MKX: variants seen among roughly 807,000 people sequenced by gnomAD.
MKX encodes the protein homeobox protein Mohawk.
In MKX, 13 loss-of-function variants were observed where a neutral mutation model predicts 36.0. The observed-to-expected ratio is 0.36, with a 90% CI of 0.24 to 0.57. MKX has a LOEUF of 0.57. Ranked by LOEUF, MKX falls within the 20% of genes least tolerant of loss-of-function variation. The pLI is 0.79. For missense variants in MKX, 458 were observed against 456.4 expected, an observed-to-expected ratio of 1.00 and a Z score of -0.03; for synonymous variants, 176 against 178.3, an observed-to-expected ratio of 0.99 and a Z score of 0.10.
intron 5 of MKX, among the ~76,000 whole-genome samples, chr10:27,683,966 A>C (rs1836298861): frequency 6.6e-6 from 1 of 152,208 alleles, no homozygotes; most frequent in Non-Finnish European, 1.5e-5. Context: ...CTGGGCTTCC[A>C]TACCCATCTA....
intron 5 of MKX, among the ~76,000 whole-genome samples, chr10:27,716,022 A>G (rs1836957731): frequency 6.6e-6 from 1 of 152,206 alleles, no homozygotes; most frequent in African/African-American, 2.4e-5. Context: ...AGAAGGTTTT[A>G]GAGTCAAACA....
Position 27,741,237 on chromosome 10 carries a change from C to G in MKX, c.348+108G>C. 1 of 1,408,878 alleles carries G rather than the reference C, an allele frequency of 7.1e-7. No homozygotes were observed. The highest frequency in any genetic ancestry group is 1.4e-5 in the African/African-American group (1 of 69,598). 87.3% of individuals were successfully genotyped at this position (1,408,878 alleles called of 1,614,324 possible). On this transcript the variant is annotated intron_variant, in intron 3 of 6. Transcript: ENST00000419761. This position sits in a 1 kb window ranked among gnomAD's most constrained non-coding sequence, Gnocchi z 5.1. ...AGAAACTCCCACAGCTCGGCTCCAT[C>G]CCTCTCCAGGTAGAAGCGCCACGTG... is the stretch of plus-strand genomic sequence containing the variant.
At chr10:27,679,149 A>G (rs1448672902) in intron 5 of MKX, among the ~76,000 whole-genome samples, 1 of 152,168 alleles carries the variant, frequency 6.6e-6, no homozygotes, top group African/African-American at 2.4e-5. Flanking sequence ...GAGGGAAAGC[A>G]TTAGGAGAAA....
At chr10:27,728,334 CTT>C (rs1834539730) in intron 5 of MKX, among the ~76,000 whole-genome samples, 1 of 152,210 alleles carries the variant, frequency 6.6e-6, no homozygotes, top group Non-Finnish European at 1.5e-5. Context: ...CGCCGTAAGA[CTT>C]TTTTAAGCTA....
At chr10:27,689,221 G>A (rs576707260) in intron 5 of MKX, among the ~76,000 whole-genome samples, 2 of 152,228 alleles carry the variant, frequency 1.3e-5, no homozygotes, top group South Asian at 4.1e-4. Context: ...GAGAGGTGAC[G>A]CTCACAAACT....
intron 5 of MKX, among the ~76,000 whole-genome samples, chr10:27,693,234 G>GTGA (rs1249487274): frequency 1.3e-5 from 2 of 152,134 alleles, no homozygotes; most frequent in Non-Finnish European, 2.9e-5. Context: ...AGAGCCTGTG[G>GTGA]GGTCATTCTA....
intron 5 of MKX, among the ~76,000 whole-genome samples, chr10:27,697,955 G>C (rs949329236): frequency 2.6e-5 from 4 of 152,146 alleles, no homozygotes; most frequent in African/African-American, 9.7e-5. Flanking sequence ...TCCTGGTCTT[G>C]CCAGTGTGCC....
intron 5 of MKX, among the ~76,000 whole-genome samples, chr10:27,682,805 C>A (rs571489250): frequency 6.6e-6 from 1 of 151,706 alleles, no homozygotes; most frequent in Non-Finnish European, 1.5e-5. Flanking sequence ...ACAGTGAAAC[C>A]CCGTCTCTAC....
At chr10:27,708,217 C>CA (rs1836790171) in intron 5 of MKX, among the ~76,000 whole-genome samples, 1 of 152,132 alleles carries the variant, frequency 6.6e-6, no homozygotes, top group African/African-American at 2.4e-5. Context: ...GTAGAGAACT[C>CA]AGAGCGACAA....
rs1322296870 is a variant in MKX at position 27,675,395 on chromosome 10, G to T, written c.893C>A (p.Pro298Gln). Residue 298 changes from proline to glutamine, a missense_variant, in exon 7 of 7, where the codon CCA becomes CAA. Physicochemically the swap from Pro to Gln is moderately conservative, Grantham distance 76 (BLOSUM62 -1). Coordinates refer to ENST00000419761, the MANE Select transcript of MKX (RefSeq NM_173576.3). ...KGESAANRKG[P>Q]SKDDTYWKEI... The stretch of plus-strand genomic sequence containing the variant: ...CTTCCAATACGTGTCATCCTTGCTT[G>T]GTCCTTTTCTGTTAGCTGCGCTGGA... The T allele has an allele frequency of 6.2e-7, 1 of 1,614,112 alleles. No individual in the cohort carries two copies. The highest frequency in any genetic ancestry group is 8.5e-7 in the Non-Finnish European group (1 of 1,180,032).
chr10:27,694,530 A>ATATAT (rs1836516525), intron 5 of MKX, among the ~76,000 whole-genome samples: 2 of 108,254 alleles, frequency 1.8e-5, no homozygotes, highest in South Asian at 6.6e-4. Context: ...AAAAAAAAAT[A>ATATAT]TATATATATA....
At chr10:27,711,519 C>T (rs1195404963) in intron 5 of MKX, among the ~76,000 whole-genome samples, 2 of 125,444 alleles carry the variant, frequency 1.6e-5, no homozygotes, top group African/African-American at 3.2e-5. Context: ...TCCTTCCTTC[C>T]TTCCTTCCTT....
intron 5 of MKX, among the ~76,000 whole-genome samples, chr10:27,695,416 T>C (rs1275856320): frequency 1.3e-5 from 2 of 150,862 alleles, no homozygotes; most frequent in African/African-American, 2.4e-5. Context: ...AAAGGAGAGA[T>C]GCTCAGTAAG....
intron 3 of MKX, among the ~76,000 whole-genome samples, chr10:27,736,989 A>G (rs1041572303): frequency 7.2e-5 from 11 of 152,184 alleles, no homozygotes; most frequent in Admixed American, 2.0e-4. Context: ...CTCTACAGAC[A>G]GACAACAAAA....
intron 5 of MKX, among the ~76,000 whole-genome samples, chr10:27,691,897 T>C (rs148108681): frequency 6.6e-6 from 1 of 152,254 alleles, no homozygotes; most frequent in African/African-American, 2.4e-5. Flanking sequence ...TTCTTTTTTA[T>C]GACTGTGTAG....
At chr10:27,735,525 T>C (rs1156685781) in intron 3 of MKX, 151 bp from the exon 4 acceptor site, 1 of 593,770 alleles carries the variant, frequency 1.7e-6, no homozygotes, top group Non-Finnish European at 2.8e-6. Flanking sequence ...ATCCATTCAT[T>C]CATTTGACAA....
chr10:27,698,249 G>C (rs959449951), intron 5 of MKX, among the ~76,000 whole-genome samples: 1 of 152,166 alleles, frequency 6.6e-6, no homozygotes, highest in African/African-American at 2.4e-5. Flanking sequence ...TGTGTGCCAA[G>C]ATAAGGAAAG....
Position 27,708,727 on chromosome 10 carries a change from CA to C in MKX, c.838+25728del, listed in dbSNP as rs754475857. Among the ~76,000 whole-genome samples, 290 of 96,492 alleles carry C rather than the reference CA, an allele frequency of 3.0e-3. 4 individuals are homozygous for C. The East Asian group carries it at 0.063, about 21-fold the overall frequency. The allele number at this position is 96,492 out of a possible 152,430, so 63.3% of individuals were successfully genotyped here. On this transcript the variant is annotated intron_variant, in intron 5 of 6. Coordinates refer to ENST00000419761, the MANE Select transcript of MKX (RefSeq NM_173576.3). ...TGGGTGACAGAGCGAGACTTCTTTT[CA>C]AAAAAAAAAAAACGACTATTGCCAG...
At chr10:27,683,694 C>T (rs1836294549) in intron 5 of MKX, among the ~76,000 whole-genome samples, 2 of 152,232 alleles carry the variant, frequency 1.3e-5, no homozygotes, top group African/African-American at 4.8e-5. Flanking sequence ...TAGTGTGTTA[C>T]TGACCTCAGA....
Sources: allele counts gnomAD v4.1 joint callset (sites outside exome capture counted in the v4.1 genomes callset), GRCh38; gene constraint gnomAD v4.1.1; non-coding constraint Gnocchi (gnomAD v3.1); transcripts MANE v1.5; gene names NCBI Gene and HGNC (gene_info 2026-07-23, HGNC 2026-07-21).